APBA1: variants seen among roughly 807,000 people sequenced by gnomAD.
APBA1 encodes the protein amyloid-beta A4 precursor protein-binding family A member 1.
APBA1 carries 55 observed loss-of-function variants against 86.6 expected under a neutral mutation model. The observed-to-expected ratio is 0.64, with a 90% CI of 0.51 to 0.80. The LOEUF is 0.80. Among genes scored for constraint, APBA1 ranks in the 30% least tolerant of loss-of-function variants. The pLI is 0.00. For synonymous variants in APBA1, 511 were observed against 493.9 expected, an observed-to-expected ratio of 1.03 and a Z score of -0.46; for missense variants, 1,090 against 1,183.0, an observed-to-expected ratio of 0.92 and a Z score of 1.15.
rs568283078 is a variant in APBA1 at position 69,500,007 on chromosome 9, T to C, written c.1200+16004A>G. 4.6e-5 allele frequency among the ~76,000 whole-genome samples: 7 copies of C among 152,152 alleles called. No homozygotes were observed. In the South Asian group the frequency reaches 1.5e-3, roughly 32 times the overall value. The stretch of plus-strand genomic sequence containing the variant: ...GAGTAGAATGCCAATAAAAGGTAAA[T>C]GTTATCTGGAGGGGCGGTGCATGTT... On this transcript the variant is annotated intron_variant, in intron 2 of 12. Transcript: ENST00000265381.
At chr9:69,666,539 C>T (rs901425639) in intron 1 of APBA1, among the ~76,000 whole-genome samples, 4 of 152,136 alleles carry the variant, frequency 2.6e-5, no homozygotes, top group Non-Finnish European at 5.9e-5. Context: ...ATGCCTCCCC[C>T]CACCCCATAT....
intron 9 of APBA1, among the ~76,000 whole-genome samples, chr9:69,451,086 C>G (rs748759209): frequency 4.6e-5 from 7 of 152,194 alleles, no homozygotes; most frequent in Non-Finnish European, 7.3e-5. Context: ...TCATATACCC[C>G]CTGTCCAGCC....
intron 8 of APBA1, among the ~76,000 whole-genome samples, chr9:69,455,248 CCT>C (rs1368701730): frequency 6.6e-6 from 1 of 152,148 alleles, no homozygotes; most frequent in Non-Finnish European, 1.5e-5. Context: ...AGAGCCTATT[CCT>C]CTGTGTCAGG....
At chr9:69,649,750 A>G (rs926162290) in intron 1 of APBA1, among the ~76,000 whole-genome samples, 1 of 152,140 alleles carries the variant, frequency 6.6e-6, no homozygotes. Flanking sequence ...TCCTCTTGCC[A>G]AACAAGAGTC....
chr9:69,435,243 C>T (rs531306004), intron 11 of APBA1, among the ~76,000 whole-genome samples: 72 of 152,102 alleles, frequency 4.7e-4, no homozygotes, highest in African/African-American at 1.7e-3. Flanking sequence ...TGAATAGTGC[C>T]ACAATAAACA....
chr9:69,498,798 G>A (rs2133869480), intron 2 of APBA1, among the ~76,000 whole-genome samples: 1 of 152,286 alleles, frequency 6.6e-6, no homozygotes, highest in East Asian at 1.9e-4. Flanking sequence ...GAACAGCATA[G>A]CTTTGAGGCC....
rs578191215 is a variant in APBA1, at chr9:69,484,396, C to T, written c.1201-8253G>A. 1.6e-4 allele frequency among the ~76,000 whole-genome samples: 24 copies of T among 152,230 alleles called. 1 individual carries two copies. The highest frequency in any genetic ancestry group is 5.8e-4 in the African/African-American group (24 of 41,556). On this transcript the variant is annotated intron_variant, in intron 2 of 12. Coordinates refer to ENST00000265381, the MANE Select transcript of APBA1 (RefSeq NM_001163.4). ...ACAAATGAGCCTGCTGTGGGCACTGCCCTTGCAGAGGCTCTGGCTGGACCC... is the reference window on the plus strand; with the variant it reads ...ACAAATGAGCCTGCTGTGGGCACTGTCCTTGCAGAGGCTCTGGCTGGACCC...
At chr9:69,667,840 C>T (rs1206251853) in intron 1 of APBA1, among the ~76,000 whole-genome samples, 1 of 152,014 alleles carries the variant, frequency 6.6e-6, no homozygotes, top group Non-Finnish European at 1.5e-5. Flanking sequence ...TCCCTTCAAC[C>T]CTTGCCCCTG....
chr9:69,488,882 T>C lies in APBA1; in HGVS notation c.1201-12739A>G, dbSNP rs529269790. On this transcript the variant is annotated intron_variant, in intron 2 of 12. Transcript: ENST00000265381. The stretch of plus-strand genomic sequence containing the variant: ...TCATGAGTGAACTCCCATTCACAAT[T>C]GCTTCAAAGAGAATACAATACCTAG... Among the ~76,000 whole-genome samples, 332 of 152,214 alleles carry C rather than the reference T, an allele frequency of 2.2e-3. 1 individual carries two copies. The highest frequency in any genetic ancestry group is 7.7e-3 in the African/African-American group (320 of 41,536).
At chr9:69,595,797 C>T (rs1269014715) in intron 1 of APBA1, among the ~76,000 whole-genome samples, 1 of 152,116 alleles carries the variant, frequency 6.6e-6, no homozygotes, top group Non-Finnish European at 1.5e-5. Flanking sequence ...GAGGGTAGCT[C>T]TTTCAGTATC....
In APBA1 at chr9:69,672,283, G is replaced by A; in HGVS notation, c.-200C>T. On this transcript the variant is annotated 5_prime_UTR_variant, in exon 1 of 13. Coordinates refer to ENST00000265381, the MANE Select transcript of APBA1 (RefSeq NM_001163.4). ...AGCGCCACCATCTTCTCCCGCCGCA[G>A]CTGCCGCCGCCGCCGCCGCCGCCGG... 5.7e-6 allele frequency: 1 copy of A among 176,698 alleles called. No individual in the cohort carries two copies. Among genetic ancestry groups the A allele is most frequent in the African/African-American group, 2.4e-5 (1 of 41,792 alleles). 10.9% of individuals were successfully genotyped at this position (176,698 alleles called of 1,614,324 possible). A position where few individuals can be genotyped will look rare whatever the true frequency, so the allele number is the denominator to read the frequency against.
intron 1 of APBA1, among the ~76,000 whole-genome samples, chr9:69,595,879 C>T (rs192660138): frequency 1.2e-3 from 184 of 152,250 alleles, no homozygotes; most frequent in South Asian, 3.5e-3. Context: ...CAGCAATTCA[C>T]GATCAGTGAT....
At chr9:69,565,256 T>G (rs562177766) in intron 1 of APBA1, among the ~76,000 whole-genome samples, 25 of 152,150 alleles carry the variant, frequency 1.6e-4, no homozygotes, top group Non-Finnish European at 3.4e-4. Context: ...GTTAGCCAGG[T>G]GCCTGTCCGA....
intron 1 of APBA1, among the ~76,000 whole-genome samples, chr9:69,563,980 C>T (rs989506121): frequency 1.3e-5 from 2 of 152,072 alleles, no homozygotes; most frequent in African/African-American, 2.4e-5. Context: ...AGCAAGAGAC[C>T]CCTTTTTCCG....
chr9:69,659,767 C>T (rs1823714906), intron 1 of APBA1, among the ~76,000 whole-genome samples: 1 of 152,150 alleles, frequency 6.6e-6, no homozygotes, highest in South Asian at 2.1e-4. Flanking sequence ...CATCATCTAC[C>T]ATAGCAGTAA....
At chr9:69,645,643 A>AG (rs1823376276) in intron 1 of APBA1, among the ~76,000 whole-genome samples, 2 of 152,044 alleles carry the variant, frequency 1.3e-5, no homozygotes, top group African/African-American at 4.8e-5. Context: ...TATGAAAGGG[A>AG]GGGGGGAGCT....
intron 1 of APBA1, among the ~76,000 whole-genome samples, chr9:69,618,862 G>A (rs768628672): frequency 2.0e-5 from 3 of 152,178 alleles, no homozygotes; most frequent in Non-Finnish European, 2.9e-5. Flanking sequence ...GATTTACATC[G>A]TAACCCTGCC....
At chr9:69,492,868 G>A (rs1368172696) in intron 2 of APBA1, among the ~76,000 whole-genome samples, 6 of 152,014 alleles carry the variant, frequency 3.9e-5, no homozygotes, top group Middle Eastern at 6.8e-3. Flanking sequence ...AACGAAACTC[G>A]GCAACAGAAA....
rs191012248 is a variant in APBA1 at position 69,552,257 on chromosome 9, A to G, written c.-69-34978T>C. Among the ~76,000 whole-genome samples the G allele has an allele frequency of 9.2e-5, 14 of 152,350 alleles. No homozygotes were observed. The East Asian group carries it at 2.3e-3, about 25-fold the overall frequency. On this transcript the variant is annotated intron_variant, in intron 1 of 12. Transcript: ENST00000265381. Reference sequence around the variant, plus strand: ...TCTTCACAAGTTGGGTGATTATTACATTTAGGCTGAGCCTAGATATGTCCT... The same window carrying G: ...TCTTCACAAGTTGGGTGATTATTACGTTTAGGCTGAGCCTAGATATGTCCT...
Sources: gnomAD v4.1 joint callset for allele counts (sites outside exome capture counted in the v4.1 genomes callset) on GRCh38, gnomAD v4.1.1 for gene constraint, MANE v1.5 for transcripts, NCBI Gene and HGNC (gene_info 2026-07-23, HGNC 2026-07-21) for gene names.